Variants in BAZ2B observed in about 807,000 individuals in gnomAD.
BAZ2B encodes the protein bromodomain adjacent to zinc finger domain 2B.
A neutral mutation model predicts 246.0 loss-of-function variants in BAZ2B; 91 were observed. The observed-to-expected ratio is 0.37, with a 90% CI of 0.31 to 0.44. The LOEUF (loss-of-function observed/expected upper bound fraction) is 0.44, where lower values mean the gene tolerates loss of function less well. Among genes scored for constraint, BAZ2B ranks in the 20% least tolerant of loss-of-function variants. The pLI, the probability that BAZ2B is intolerant of heterozygous loss-of-function variation, is 1.00. For synonymous variants in BAZ2B, 855 were observed against 860.0 expected (o/e 0.99, Z 0.10); for missense variants, 2,332 against 2,533.7 (o/e 0.92, Z 1.71).
At chr2:159,558,790 T>C (rs1308587220) in intron 1 of BAZ2B, among the ~76,000 whole-genome samples, 1 of 152,038 alleles carries the variant, frequency 6.6e-6, no homozygotes, top group Non-Finnish European at 1.5e-5. Flanking sequence ...GAAAATACAA[T>C]GAATAAAGGC....
At chr2:159,477,089 A>G (rs1273989800) in intron 3 of BAZ2B, among the ~76,000 whole-genome samples, 1 of 152,122 alleles carries the variant, frequency 6.6e-6, no homozygotes, top group African/African-American at 2.4e-5. Context: ...GCGGATCATG[A>G]GGTCAGGACA....
intron 1 of BAZ2B, among the ~76,000 whole-genome samples, chr2:159,591,349 A>C (rs780915331): frequency 3.3e-5 from 5 of 152,178 alleles, no homozygotes; most frequent in Non-Finnish European, 7.3e-5. Flanking sequence ...TTGTAATGGG[A>C]CATGGTAACT....
chr2:159,465,972 C>T (rs2076993906), intron 3 of BAZ2B, among the ~76,000 whole-genome samples: 1 of 151,808 alleles, frequency 6.6e-6, no homozygotes, highest in South Asian at 2.1e-4. Context: ...ACAACATTAA[C>T]ACATCAACTA....
chr2:159,414,290 C>A (rs115056542), intron 13 of BAZ2B, among the ~76,000 whole-genome samples: 3,952 of 151,238 alleles, frequency 0.026, 77 homozygotes, highest in South Asian at 0.077. Context: ...AGGAGAGGGG[C>A]AAGGGAGTGA....
At chr2:159,362,768 T>G (rs73967823) in intron 27 of BAZ2B, among the ~76,000 whole-genome samples, 2,720 of 151,986 alleles carry the variant, frequency 0.018, 81 homozygotes, top group African/African-American at 0.062. Context: ...GTAAAGAGGG[T>G]TTCCAGTGGC....
intron 27 of BAZ2B, among the ~76,000 whole-genome samples, chr2:159,362,894 T>C (rs1236421551): frequency 7.3e-6 from 1 of 137,848 alleles, no homozygotes; most frequent in East Asian, 2.0e-4. Flanking sequence ...GTGGGGCAAA[T>C]TCCCACTGTT....
At chr2:159,353,913 TC>T (rs2058816963) in intron 27 of BAZ2B, among the ~76,000 whole-genome samples, 2 of 152,044 alleles carry the variant, frequency 1.3e-5, no homozygotes. Flanking sequence ...TAAACAAAGG[TC>T]AAGAATACAG....
chr2:159,470,727 A>G lies in BAZ2B; in HGVS notation c.145+7848T>C, dbSNP rs984271245. Among the ~76,000 whole-genome samples, 4 of 152,212 alleles carry G rather than the reference A, an allele frequency of 2.6e-5. No homozygotes were observed. In the East Asian group the frequency reaches 7.7e-4, roughly 29 times the overall value. On this transcript the variant is annotated intron_variant, in intron 3 of 36. Transcript: ENST00000392783. ...GAAAGAGAAATAGATAAATCCAGAG[A>G]TCACTATATTTATGGCTTAAGCTAC...
chr2:159,447,039 A>C, intron 5 of BAZ2B, 64 bp from the exon 6 acceptor site: 2 of 1,218,884 alleles, frequency 1.6e-6, no homozygotes, highest in Non-Finnish European at 2.2e-6. Context: ...AAAATGAAGT[A>C]CAGATATATG....
chr2:159,553,392 C>CAAAAAAAAAAAAAAAAAAAAAAAAAAA (rs35253250), intron 2 of BAZ2B, among the ~76,000 whole-genome samples: 1 of 73,810 alleles, frequency 1.4e-5, no homozygotes, highest in African/African-American at 5.4e-5. Flanking sequence ...GACTCTGTCT[C>CAAAAAAAAAAAAAAAAAAAAAAAAAAA]AAAAAAAAAA....
At chr2:159,493,594 T>C (rs2080744763) in intron 2 of BAZ2B, among the ~76,000 whole-genome samples, 1 of 152,250 alleles carries the variant, frequency 6.6e-6, no homozygotes, top group Non-Finnish European at 1.5e-5. Context: ...TCACAGGGTA[T>C]ACTTACCATT....
Position 159,320,323 on chromosome 2 carries a change from C to A in BAZ2B, c.6449G>T (p.Gly2150Val). The change falls in exon 37 of 37, where the codon GGC (glycine) becomes GTC (valine). Residue 2150 changes from glycine (G) to valine (V), a missense_variant. Physicochemically the swap from Gly to Val is moderately radical, Grantham distance 109. Around this residue, in one of 9 missense-constraint regions of BAZ2B, gnomAD observed 210 missense variants for 232.5 expected, o/e 0.90. Transcript: ENST00000392783. ...NEDDSDIGRA[G>V]HNMRKYFEKK... ...TTCAAAATACTTCCTCATATTGTGG[C>A]CAGCTCTGCCTATATCAGAATCATC... 1 of 1,577,644 alleles carries A rather than the reference C, an allele frequency of 6.3e-7. No individual in the cohort carries two copies. The highest frequency in any genetic ancestry group is 8.5e-7 in the Non-Finnish European group (1 of 1,170,726).
chr2:159,559,935 T>C lies in BAZ2B; in HGVS notation c.-45-4070A>G, dbSNP rs182429673. Among the ~76,000 whole-genome samples, 377 of 152,290 alleles carry C rather than the reference T, an allele frequency of 2.5e-3. 1 individual carries two copies. Among genetic ancestry groups the C allele is most frequent in the Non-Finnish European group, 4.3e-3 (294 of 68,010 alleles). On this transcript the variant is annotated intron_variant, in intron 1 of 36. Transcript: ENST00000392783. ...TAGTAAATATGCACAGACAAAAATC[T>C]CAATAATATTAACCCCCAGAAAACA...
At chr2:159,673,964 AT>A in the BAZ2B span, among the ~76,000 whole-genome samples, 3 of 152,218 alleles carry the variant, frequency 2.0e-5, no homozygotes, top group Non-Finnish European at 4.4e-5. Context: ...AAGGAATGAC[AT>A]TTCATTGATT....
chr2:159,400,049 T>A (rs2064731512), intron 17 of BAZ2B, among the ~76,000 whole-genome samples: 2 of 152,222 alleles, frequency 1.3e-5, no homozygotes. Flanking sequence ...TCAGTTCCTA[T>A]ATATGCTAGC....
chr2:159,605,362 T>C (rs1278178617), intron 1 of BAZ2B, among the ~76,000 whole-genome samples: 2 of 152,136 alleles, frequency 1.3e-5, no homozygotes, highest in South Asian at 2.1e-4. Context: ...TTTATTTCCA[T>C]GGGTAGCTGT....
intron 27 of BAZ2B, among the ~76,000 whole-genome samples, chr2:159,362,282 G>A (rs1255397904): frequency 2.6e-5 from 4 of 152,082 alleles, no homozygotes; most frequent in Non-Finnish European, 5.9e-5. Flanking sequence ...TGTTCTCAGC[G>A]TCCTCCCTAT....
At chr2:159,431,229 G>A (rs1379715095) in intron 9 of BAZ2B, 73 bp from the exon 10 acceptor site, 3 of 1,504,590 alleles carry the variant, frequency 2.0e-6, no homozygotes, top group Non-Finnish European at 2.7e-6. Context: ...TATCTAAATG[G>A]ACTAGCTCAG....
At chr2:159,510,128 G>C (rs530372551) in intron 2 of BAZ2B, among the ~76,000 whole-genome samples, 2 of 152,226 alleles carry the variant, frequency 1.3e-5, no homozygotes, top group Admixed American at 6.5e-5. Flanking sequence ...AAGTAGATTA[G>C]AGGTTACTAG....
Sources: gnomAD v4.1 joint callset for allele counts (sites outside exome capture counted in the v4.1 genomes callset) on GRCh38, gnomAD v4.1.1 for gene constraint, gnomAD v4.1.1 regional missense constraint, MANE v1.5 for transcripts, NCBI Gene and HGNC (gene_info 2026-07-23, HGNC 2026-07-21) for gene names.